Variants in CD247 observed in about 807,000 individuals in gnomAD.
CD247 encodes the protein CD247 molecule, also known as T-cell surface glycoprotein CD3 zeta chain.
Under a neutral mutation model 30.0 loss-of-function variants are expected in CD247, and 13 were observed. That is an observed-to-expected ratio of 0.43 (90% CI 0.28 to 0.69). CD247 has a LOEUF of 0.69. Among genes scored for constraint, CD247 ranks in the 30% least tolerant of loss-of-function variants. The pLI is 0.16. For missense variants in CD247, 193 were observed against 212.6 expected, an observed-to-expected ratio of 0.91 and a Z score of 0.57; for synonymous variants, 72 against 80.0, an observed-to-expected ratio of 0.90 and a Z score of 0.53.
At chr1:167,497,681 C>G (rs1286808443) in intron 1 of CD247, among the ~76,000 whole-genome samples, 1 of 152,200 alleles carries the variant, frequency 6.6e-6, no homozygotes. Flanking sequence ...GGCTGAGAGT[C>G]AGTCCTGGGT....
rs1202714270 is a variant in CD247 at position 167,434,045 on chromosome 1, T to C, written c.368A>G (p.Tyr123Cys). 6.2e-7 allele frequency: 1 copy of C among 1,614,164 alleles called. No homozygotes were observed. The highest frequency in any genetic ancestry group is 1.1e-5 in the South Asian group (1 of 91,078). ...CTCGCCTTTCATCCCAATCTCACTG[T>C]AGGCCTCCGCCATCTTATCTTTCTG... is the stretch of plus-strand genomic sequence containing the variant. The part of the protein sequence containing the change: ...ELQKDKMAEA[Y>C]SEIGMKGERR... The change falls in exon 6 of 8, where the codon TAC becomes TGC. Residue 123 changes from tyrosine (Y) to cysteine (C), a missense_variant. Physicochemically the swap from Tyr to Cys is radical, Grantham distance 194. Coordinates refer to ENST00000362089, the MANE Select transcript of CD247 (RefSeq NM_198053.3).
intron 1 of CD247, among the ~76,000 whole-genome samples, chr1:167,477,509 T>C (rs76250071): frequency 6.6e-6 from 1 of 152,114 alleles, no homozygotes; most frequent in South Asian, 2.1e-4. Context: ...ACACTGGCTG[T>C]GAAGTGTTTT....
chr1:167,448,852 C>T (rs1293504308), intron 1 of CD247, among the ~76,000 whole-genome samples: 1 of 152,126 alleles, frequency 6.6e-6, no homozygotes, highest in Non-Finnish European at 1.5e-5. Context: ...TAGAGTGAGA[C>T]TCTGTCTAAA....
At chr1:167,459,493 C>G (rs2102027677) in intron 1 of CD247, 1 of 151,824 alleles carries the variant, frequency 6.6e-6, no homozygotes, top group East Asian at 2.0e-4. Context: ...GCTGGGATTA[C>G]AGGCACACGT....
chr1:167,481,226 G>T (rs1277201192), intron 1 of CD247, among the ~76,000 whole-genome samples: 3 of 152,208 alleles, frequency 2.0e-5, no homozygotes, highest in Non-Finnish European at 4.4e-5. Context: ...GGCAGAAGTT[G>T]CAGTGAGCTG....
At chr1:167,464,514 G>A (rs1015749151) in intron 1 of CD247, among the ~76,000 whole-genome samples, 8 of 152,200 alleles carry the variant, frequency 5.3e-5, no homozygotes, top group African/African-American at 1.4e-4. Flanking sequence ...TCCATGGGGA[G>A]AAGCTTCCCT....
chr1:167,442,843 C>T (rs565134270), intron 1 of CD247, among the ~76,000 whole-genome samples: 1 of 152,244 alleles, frequency 6.6e-6, no homozygotes, highest in East Asian at 1.9e-4. Flanking sequence ...GCCCAGAGAC[C>T]ATTGATGACC....
chr1:167,439,327 C>CGG lies in CD247; in HGVS notation c.219+15_219+16dup. 1 of 1,612,878 alleles carries CGG rather than the reference C, an allele frequency of 6.2e-7. No homozygotes were observed. The highest frequency in any genetic ancestry group is 8.5e-7 in the Non-Finnish European group (1 of 1,178,860). On this transcript the variant is annotated intron_variant, in intron 3 of 7. Coordinates refer to ENST00000362089, the MANE Select transcript of CD247 (RefSeq NM_198053.3). Reference sequence around the variant, plus strand: ...CTGCCCTTCCTTTCCGGAGGGTCTACGGCGAGGCTGACTTACGTTATAGAG... The same window carrying CGG: ...CTGCCCTTCCTTTCCGGAGGGTCTACGGGGCGAGGCTGACTTACGTTATAGAG...
chr1:167,464,491 C>T (rs1051209996), intron 1 of CD247, among the ~76,000 whole-genome samples: 6 of 152,198 alleles, frequency 3.9e-5, no homozygotes, highest in South Asian at 2.1e-4. Context: ...CAGAAATAGT[C>T]CCCTAAGGAA....
At chr1:167,453,124 G>A (rs914748005) in intron 1 of CD247, among the ~76,000 whole-genome samples, 3 of 150,708 alleles carry the variant, frequency 2.0e-5, no homozygotes, top group African/African-American at 7.3e-5. Flanking sequence ...TTCTCTGGCT[G>A]ACTCCAGGGA....
At chr1:167,434,249 C>T (rs933972157) in intron 5 of CD247, 173 bp from the exon 6 acceptor site, 5 of 681,926 alleles carry the variant, frequency 7.3e-6, no homozygotes, top group African/African-American at 7.1e-5. Flanking sequence ...CCACAACCAG[C>T]TCCAGCCCAC....
chr1:167,491,985 T>C (rs1571581007), intron 1 of CD247, among the ~76,000 whole-genome samples: 1 of 151,662 alleles, frequency 6.6e-6, no homozygotes, highest in Non-Finnish European at 1.5e-5. Flanking sequence ...GAATGGGGAG[T>C]TATGGTTTCA....
intron 1 of CD247, among the ~76,000 whole-genome samples, chr1:167,499,317 G>C (rs985973312): frequency 6.6e-6 from 1 of 152,204 alleles, no homozygotes; most frequent in African/African-American, 2.4e-5. Context: ...AGGTGTTTTA[G>C]TGCAGAGGTC....
At chr1:167,457,767 T>C (rs1357305266) in intron 1 of CD247, 2 of 152,216 alleles carry the variant, frequency 1.3e-5, no homozygotes, top group Non-Finnish European at 2.9e-5. Flanking sequence ...GTTACTCTCA[T>C]TGTGTCAAAT....
intron 1 of CD247, among the ~76,000 whole-genome samples, chr1:167,470,504 T>TAAAAAAA (rs55679205): frequency 3.9e-4 from 48 of 122,368 alleles, no homozygotes; most frequent in African/African-American, 6.0e-4. Context: ...ATGTTAATTG[T>TAAAAAAA]AAAAAAAAAA....
intron 1 of CD247, among the ~76,000 whole-genome samples, chr1:167,477,711 T>G (rs1220279336): frequency 5.3e-5 from 8 of 152,160 alleles, no homozygotes; most frequent in African/African-American, 1.9e-4. Context: ...TTATTTTTTG[T>G]GTATATGGAG....
chr1:167,516,744 A>C (rs1655620754), intron 1 of CD247, among the ~76,000 whole-genome samples: 1 of 152,182 alleles, frequency 6.6e-6, no homozygotes, highest in Admixed American at 6.5e-5. Flanking sequence ...AGAAGCAAAA[A>C]ATCCAGCCAA....
intron 1 of CD247, among the ~76,000 whole-genome samples, chr1:167,475,320 T>A (rs944263189): frequency 2.0e-5 from 3 of 152,178 alleles, no homozygotes; most frequent in Non-Finnish European, 4.4e-5. Flanking sequence ...CCCAGTCCCC[T>A]CTCCCCTGGA....
intron 1 of CD247, among the ~76,000 whole-genome samples, chr1:167,517,255 T>G (rs1655646546): frequency 6.6e-6 from 1 of 152,214 alleles, no homozygotes; most frequent in Non-Finnish European, 1.5e-5. Flanking sequence ...GGGCTGTGCC[T>G]GGCTCCCTGG....
Sources: allele counts gnomAD v4.1 joint callset (sites outside exome capture counted in the v4.1 genomes callset), GRCh38; gene constraint gnomAD v4.1.1; transcripts MANE v1.5; gene names NCBI Gene and HGNC (gene_info 2026-07-23, HGNC 2026-07-21).